ELMO1: variants seen among roughly 807,000 people sequenced by gnomAD.
ELMO1 encodes engulfment and cell motility 1, also known as engulfment and cell motility protein 1.
In ELMO1, 26 loss-of-function variants were observed where a neutral mutation model predicts 98.9. The observed-to-expected ratio is 0.26, with a 90% confidence interval of 0.19 to 0.36. The LOEUF is 0.36. Ranked by LOEUF, ELMO1 falls within the 10% of genes least tolerant of loss-of-function variation. The probability of loss-of-function intolerance (pLI) is 1.00; values close to 1 mark genes in which losing one functional copy is unlikely to be tolerated. For synonymous variants in ELMO1, 346 were observed against 346.0 expected (o/e 1.00, Z 0.00); for missense variants, 627 against 935.2 (o/e 0.67, Z 4.30).
intron 15 of ELMO1, among the ~76,000 whole-genome samples, chr7:37,045,476 C>T (rs973139630): frequency 1.4e-4 from 21 of 152,164 alleles, no homozygotes; most frequent in Non-Finnish European, 3.1e-4. Flanking sequence ...TTTTAAAAAA[C>T]TTCTCTTTTT....
intron 13 of ELMO1, among the ~76,000 whole-genome samples, chr7:37,198,876 A>T (rs748041461): frequency 2.6e-5 from 4 of 152,236 alleles, no homozygotes; most frequent in Admixed American, 6.5e-5. Context: ...AAAAGGGGGA[A>T]GGAGGAAGAT....
chr7:37,043,882 C>G (rs1429935835), intron 15 of ELMO1, among the ~76,000 whole-genome samples: 1 of 152,108 alleles, frequency 6.6e-6, no homozygotes, highest in Admixed American at 6.5e-5. Flanking sequence ...TGCTTTAGAT[C>G]AAGAACTCGG....
At chr7:37,386,767 A>T (rs1802821311) in intron 1 of ELMO1, among the ~76,000 whole-genome samples, 1 of 152,188 alleles carries the variant, frequency 6.6e-6, no homozygotes, top group Non-Finnish European at 1.5e-5. Context: ...CTCGGTTTCA[A>T]CAAAGATCCT....
intron 15 of ELMO1, among the ~76,000 whole-genome samples, chr7:37,095,923 G>A (rs1562997467): frequency 6.6e-6 from 1 of 152,210 alleles, no homozygotes; most frequent in South Asian, 2.1e-4. Context: ...TGGAATGGAA[G>A]TAAACCACTT....
chr7:37,326,211 T>C (rs1305955149), intron 2 of ELMO1, among the ~76,000 whole-genome samples: 1 of 152,136 alleles, frequency 6.6e-6, no homozygotes, highest in African/African-American at 2.4e-5. Flanking sequence ...AAAGGGGGCT[T>C]ACAGCAACCT....
At chr7:36,956,308 C>G (rs1381016894) in intron 16 of ELMO1, among the ~76,000 whole-genome samples, 1 of 152,222 alleles carries the variant, frequency 6.6e-6, no homozygotes, top group Non-Finnish European at 1.5e-5. Flanking sequence ...GGTCATGCCA[C>G]AATCCATTGA....
intron 15 of ELMO1, among the ~76,000 whole-genome samples, chr7:37,094,205 GCCCA>G (rs1770431008): frequency 6.6e-6 from 1 of 152,198 alleles, no homozygotes; most frequent in Non-Finnish European, 1.5e-5. Context: ...AGCTGTCCAA[GCCCA>G]GTCTCAATGC....
At chr7:37,156,236 T>C (rs1186302628) in intron 13 of ELMO1, among the ~76,000 whole-genome samples, 1 of 152,030 alleles carries the variant, frequency 6.6e-6, no homozygotes. Context: ...AGATCCAAAA[T>C]TGACACCGTA....
chr7:37,392,185 A>G (rs1164929169), intron 1 of ELMO1, among the ~76,000 whole-genome samples: 1 of 152,178 alleles, frequency 6.6e-6, no homozygotes, highest in Non-Finnish European at 1.5e-5. Flanking sequence ...GTGGCTCCAG[A>G]CTTCGAAACA....
intron 15 of ELMO1, among the ~76,000 whole-genome samples, chr7:37,070,897 T>C (rs1246565462): frequency 6.6e-6 from 1 of 152,198 alleles, no homozygotes; most frequent in Admixed American, 6.5e-5. Flanking sequence ...CAGTGCATCA[T>C]CCTAACAGTT....
chr7:37,017,746 T>C (rs893600290), intron 15 of ELMO1, among the ~76,000 whole-genome samples: 1 of 152,166 alleles, frequency 6.6e-6, no homozygotes, highest in East Asian at 1.9e-4. Flanking sequence ...TTCTTTTGAA[T>C]GTAATTCTTT....
At chr7:37,284,969 T>C (rs969168493) in intron 4 of ELMO1, among the ~76,000 whole-genome samples, 7 of 152,186 alleles carry the variant, frequency 4.6e-5, no homozygotes, top group African/African-American at 1.4e-4. Context: ...TACTATTCCA[T>C]GGGGAAGGCC....
In ELMO1 at chr7:37,314,889, G is replaced by T; in HGVS notation, c.153C>A (p.Leu51=). The part of the protein sequence containing the change: ...WSLANHEYFA[L]QHADSSNFYI... ...AGAAGTTTGAACTATCGGCATGCTG[G>T]AGTGCAAAATATTCATGGTTGGCAA... The change falls in exon 4 of 22, where the codon CTC becomes CTA. Residue 51 remains leucine, a synonymous_variant. Coordinates refer to ENST00000310758, the MANE Select transcript of ELMO1 (RefSeq NM_014800.11). The T allele has an allele frequency of 1.2e-6, 2 of 1,613,760 alleles. No individual in the cohort carries two copies. Among genetic ancestry groups the T allele is most frequent in the Non-Finnish European group, 8.5e-7 (1 of 1,179,904 alleles).
chr7:37,192,188 TA>T, intron 13 of ELMO1, among the ~76,000 whole-genome samples: 1 of 152,028 alleles, frequency 6.6e-6, no homozygotes, highest in Admixed American at 6.6e-5. Flanking sequence ...CAGAAATAAA[TA>T]CTGGTAAAAA....
chr7:37,074,587 CTGAG>C (rs2129228014), intron 15 of ELMO1, among the ~76,000 whole-genome samples: 1 of 152,328 alleles, frequency 6.6e-6, no homozygotes, highest in African/African-American at 2.4e-5. Context: ...GCTGTCCTAT[CTGAG>C]TATCATGCTT....
At chr7:37,179,182 G>C (rs1321834990) in intron 13 of ELMO1, among the ~76,000 whole-genome samples, 4 of 152,006 alleles carry the variant, frequency 2.6e-5, no homozygotes, top group Admixed American at 2.6e-4. Flanking sequence ...AAAGGCAACA[G>C]ATAATTTTTT....
At chr7:37,301,691 A>T (rs1798357448) in intron 4 of ELMO1, among the ~76,000 whole-genome samples, 2 of 152,272 alleles carry the variant, frequency 1.3e-5, no homozygotes, top group South Asian at 2.1e-4. Context: ...TTTGACTTTA[A>T]TCTTCAGACA....
At chr7:37,031,923 G>T (rs1240761770) in intron 15 of ELMO1, among the ~76,000 whole-genome samples, 1 of 152,288 alleles carries the variant, frequency 6.6e-6, no homozygotes, top group East Asian at 1.9e-4. Context: ...ACAGGAGAAG[G>T]CTCCGTGGAG....
intron 15 of ELMO1, among the ~76,000 whole-genome samples, chr7:37,091,061 C>A (rs541487796): frequency 6.6e-6 from 1 of 152,228 alleles, no homozygotes; most frequent in South Asian, 2.1e-4. Context: ...CCATTTGTAC[C>A]AGAAATCAAG....
Sources: gnomAD v4.1 joint callset for allele counts (sites outside exome capture counted in the v4.1 genomes callset) on GRCh38, gnomAD v4.1.1 for gene constraint, MANE v1.5 for transcripts, NCBI Gene and HGNC (gene_info 2026-07-23, HGNC 2026-07-21) for gene names.